The following FAM81A variants were observed in gnomAD, a reference collection of about 807,000 sequenced individuals.
FAM81A encodes family with sequence similarity 81 member A.
In FAM81A, 19 loss-of-function variants were observed where a neutral mutation model predicts 46.7. The observed-to-expected ratio is 0.41, with a 90% CI of 0.28 to 0.60. The LOEUF is 0.60. Ranked by LOEUF, FAM81A falls within the 20% of genes least tolerant of loss-of-function variation. The pLI, the probability that FAM81A is intolerant of heterozygous loss-of-function variation, is 0.34. For synonymous variants in FAM81A, 183 were observed against 152.9 expected, an observed-to-expected ratio of 1.20 and a Z score of -1.45; for missense variants, 377 against 453.5, an observed-to-expected ratio of 0.83 and a Z score of 1.53.
chr15:59,411,050 CAGA>C (rs2081118387), intron 2 of FAM81A, among the ~76,000 whole-genome samples: 1 of 152,224 alleles, frequency 6.6e-6, no homozygotes, highest in South Asian at 2.1e-4. Context: ...GCGCCAGGCC[CAGA>C]TGTTTCTTTA....
Position 59,398,036 on chromosome 15 carries a change from G to A in FAM81A, c.-160-4240G>A, listed in dbSNP as rs116429722. Among the ~76,000 whole-genome samples the A allele has an allele frequency of 8.8e-3, 1,335 of 152,228 alleles. 21 individuals carry two copies. Among genetic ancestry groups the A allele is most frequent in the African/African-American group, 0.031 (1,270 of 41,512 alleles). On this transcript the variant is annotated intron_variant, in intron 1 of 4. Transcript: ENST00000558348. ...CCAAGAGACAGAACTTGCACTGGAG[G>A]AGAAATGGGCACAATCCTAACCATA...
intron 2 of FAM81A, among the ~76,000 whole-genome samples, chr15:59,419,199 A>G (rs2081160040): frequency 6.6e-6 from 1 of 152,234 alleles, no homozygotes; most frequent in African/African-American, 2.4e-5. Flanking sequence ...AATAATTTGA[A>G]TAACCCTTTA....
chr15:59,511,645 ATTAT>A (rs1171653736), intron 6 of FAM81A, among the ~76,000 whole-genome samples: 1 of 152,098 alleles, frequency 6.6e-6, no homozygotes, highest in Non-Finnish European at 1.5e-5. Flanking sequence ...TAACAGCATT[ATTAT>A]TTATTTTATT....
At chr15:59,511,208 A>G (rs938659743) in intron 6 of FAM81A, among the ~76,000 whole-genome samples, 2 of 152,346 alleles carry the variant, frequency 1.3e-5, no homozygotes, top group Non-Finnish European at 1.5e-5. Flanking sequence ...CTAAACAAAC[A>G]GTAATATTAA....
intron 1 of FAM81A, among the ~76,000 whole-genome samples, chr15:59,444,508 C>A (rs1190036638): frequency 6.6e-6 from 1 of 152,072 alleles, no homozygotes; most frequent in East Asian, 1.9e-4. Flanking sequence ...TAAAAATGGC[C>A]CATCTAGTTC....
intron 3 of FAM81A, among the ~76,000 whole-genome samples, chr15:59,466,691 G>A (rs2081618280): frequency 1.3e-5 from 2 of 152,138 alleles, no homozygotes; most frequent in African/African-American, 4.8e-5. Flanking sequence ...CTTTTGCTGT[G>A]CAGAAGCTCT....
chr15:59,402,235 G>T, intron 1 of FAM81A: 1 of 168,532 alleles, frequency 5.9e-6, no homozygotes, highest in Non-Finnish European at 1.3e-5. Flanking sequence ...TTTGGGGGTG[G>T]CTATCTTAAT....
In FAM81A at chr15:59,459,971, C is replaced by T; in HGVS notation, c.59C>T (p.Thr20Ile). ...RTMPRHSQSL[T>I]MAPYSSVSLV... ...ATGCCCCGACACAGCCAGTCCCTGA[C>T]CATGGCACCATACTCATCTGTAAGC... The change falls in exon 3 of 9, where the codon ACC becomes ATC. Residue 20 changes from threonine (T) to isoleucine (I), a missense_variant. Thr to Ile is a moderately conservative substitution (Grantham distance 89). Transcript: ENST00000288228. The T allele has an allele frequency of 6.2e-7, 1 of 1,611,358 alleles. No individual in the cohort carries two copies.
At chr15:59,415,187 C>T (rs1206667327) in intron 2 of FAM81A, among the ~76,000 whole-genome samples, 9 of 150,172 alleles carry the variant, frequency 6.0e-5, no homozygotes, top group Admixed American at 1.3e-4. Flanking sequence ...GGCACGATCT[C>T]GGCTCACTGC....
At chr15:59,514,517 T>C in intron 7 of FAM81A, 93 bp downstream of exon 7, 2 of 1,430,488 alleles carry the variant, frequency 1.4e-6, no homozygotes, top group Non-Finnish European at 1.9e-6. Context: ...ATCACTGATT[T>C]AGCTGTTCAA....
intron 1 of FAM81A, among the ~76,000 whole-genome samples, chr15:59,456,732 C>A (rs1057198818): frequency 6.6e-6 from 1 of 152,046 alleles, no homozygotes; most frequent in African/African-American, 2.4e-5. Flanking sequence ...TGCATCAATA[C>A]GCCTGGCTAA....
chr15:59,495,374 G>T (rs1347906482), intron 4 of FAM81A, among the ~76,000 whole-genome samples: 2 of 152,150 alleles, frequency 1.3e-5, no homozygotes, highest in African/African-American at 2.4e-5. Context: ...CCTTGTTATG[G>T]CTGCATAGTA....
intron 1 of FAM81A, chr15:59,443,995 ACTCAAATGCCTGCTC>A (rs1336080402): frequency 6.6e-6 from 1 of 152,206 alleles, no homozygotes; most frequent in Non-Finnish European, 1.5e-5. Context: ...TGAATATCAG[ACTCAAATGCCTGCTC>A]CTCAAGTGCT....
chr15:59,462,580 G>A (rs2141651747), intron 3 of FAM81A, among the ~76,000 whole-genome samples: 1 of 152,234 alleles, frequency 6.6e-6, no homozygotes, highest in South Asian at 2.1e-4. Context: ...CATTCACAAT[G>A]TTGGGCAATC....
At chr15:59,500,771 T>A (rs2082083072) in intron 4 of FAM81A, among the ~76,000 whole-genome samples, 1 of 152,114 alleles carries the variant, frequency 6.6e-6, no homozygotes, top group Admixed American at 6.5e-5. Context: ...TTGTTCTACC[T>A]ATTCACGTTT....
At chr15:59,465,304 A>G (rs1238543504) in intron 3 of FAM81A, among the ~76,000 whole-genome samples, 2 of 151,930 alleles carry the variant, frequency 1.3e-5, no homozygotes, top group East Asian at 1.9e-4. Context: ...ATACAGTCTC[A>G]CTCTTTTGCC....
At chr15:59,472,531 T>G (rs1389445235) in intron 3 of FAM81A, among the ~76,000 whole-genome samples, 1 of 150,488 alleles carries the variant, frequency 6.6e-6, no homozygotes. Context: ...CCAGCTTCCC[T>G]GTTGATTATG....
rs559788766 is a variant in FAM81A at position 59,511,863 on chromosome 15, A to G, written c.651-2426A>G. ...ATGGGGTTTCACCATGTTAGCCAGG[A>G]TGGTCTCAATCTCCTGACCTCGTGA... On this transcript the variant is annotated intron_variant, in intron 6 of 8. Transcript: ENST00000288228. 2.4e-4 allele frequency among the ~76,000 whole-genome samples: 36 copies of G among 151,928 alleles called. No individual in the cohort carries two copies. In the East Asian group the frequency reaches 6.7e-3, roughly 28 times the overall value.
intron 3 of FAM81A, among the ~76,000 whole-genome samples, chr15:59,474,005 C>G (rs2081733076): frequency 6.6e-6 from 1 of 152,170 alleles, no homozygotes; most frequent in Non-Finnish European, 1.5e-5. Context: ...TAATTTCCAA[C>G]TTCAGCTGGG....
Sources: allele counts gnomAD v4.1 joint callset (sites outside exome capture counted in the v4.1 genomes callset), GRCh38; gene constraint gnomAD v4.1.1; transcripts MANE v1.5; gene names NCBI Gene and HGNC (gene_info 2026-07-23, HGNC 2026-07-21).